The following ARID1B variants were observed in gnomAD, a reference collection of about 807,000 sequenced individuals.
ARID1B encodes the protein AT-rich interactive domain-containing protein 1B.
ARID1B carries 30 observed loss-of-function variants against 212.3 expected under a neutral mutation model. That is an observed-to-expected ratio of 0.14 (90% confidence interval 0.11 to 0.19). The LOEUF (loss-of-function observed/expected upper bound fraction) is 0.19, where lower values mean the gene tolerates loss of function less well. Among genes scored for constraint, ARID1B ranks in the 10% least tolerant of loss-of-function variants. The probability of loss-of-function intolerance (pLI) is 1.00; values close to 1 mark genes in which losing one functional copy is unlikely to be tolerated. For synonymous variants in ARID1B, 1,402 were observed against 1,301.7 expected (o/e 1.08, Z -1.66); for missense variants, 2,891 against 3,204.0 (o/e 0.90, Z 2.36).
chr6:157,182,609 G>A (rs1037687671), intron 12 of ARID1B, among the ~76,000 whole-genome samples: 2 of 152,030 alleles, frequency 1.3e-5, no homozygotes, highest in African/African-American at 2.4e-5. Context: ...GCTGCGTCTC[G>A]GGGGAGAAAG....
chr6:157,197,618 G>A (rs900016469), intron 16 of ARID1B, among the ~76,000 whole-genome samples: 3 of 152,110 alleles, frequency 2.0e-5, no homozygotes, highest in Non-Finnish European at 4.4e-5. Context: ...TGATATATTC[G>A]TTAATCAGTT....
At chr6:157,051,594 T>C (rs573430207) in intron 4 of ARID1B, among the ~76,000 whole-genome samples, 75 of 152,236 alleles carry the variant, frequency 4.9e-4, no homozygotes, top group Non-Finnish European at 9.7e-4. Context: ...TTCTGAATTT[T>C]ATAGTTTGTA....
chr6:156,809,430 A>G (rs1391201702), intron 1 of ARID1B, among the ~76,000 whole-genome samples: 1 of 152,196 alleles, frequency 6.6e-6, no homozygotes, highest in Admixed American at 6.5e-5. Flanking sequence ...TGAGATCTTG[A>G]TGAAACATAA....
At chr6:156,986,387 T>A (rs1194024083) in intron 4 of ARID1B, among the ~76,000 whole-genome samples, 1 of 152,242 alleles carries the variant, frequency 6.6e-6, no homozygotes, top group East Asian at 1.9e-4. Flanking sequence ...AAAAGCTTTT[T>A]AAGTCTCCAA....
chr6:156,778,598 C>G lies in ARID1B; in HGVS notation c.918C>G (p.Gly306=). 1.5e-6 allele frequency: 2 copies of G among 1,296,502 alleles called. No homozygotes were observed. 80.3% of individuals were successfully genotyped at this position (1,296,502 alleles called of 1,614,324 possible). A position where few individuals can be genotyped will look rare whatever the true frequency, so the allele number is the denominator to read the frequency against. ...TCGCCGTGCCCGGGGGCGGCGGCGG[C>G]CCGGCGGCCGTCCCGGAGTTTAATA... ...PPVAVPGGGG[G]PAAVPEFNNY... Residue 306 remains glycine (G), a synonymous_variant, in exon 1 of 20, where the codon GGC becomes GGG. Transcript: ENST00000636930.
At chr6:156,941,989 A>C (rs1279563961) in intron 4 of ARID1B, 1 of 152,214 alleles carries the variant, frequency 6.6e-6, no homozygotes, top group Non-Finnish European at 1.5e-5. Flanking sequence ...TAATTTTAAG[A>C]ATTTGTTTAA....
In ARID1B at chr6:156,778,195, ATGC is replaced by A. The variant is rs1778793743; in HGVS notation, c.516_518del (p.Ala173del). 1.3e-6 allele frequency: 2 copies of A among 1,538,678 alleles called. No homozygotes were observed. Among genetic ancestry groups the A allele is most frequent in the African/African-American group, 2.8e-5 (2 of 72,412 alleles). On this transcript the variant is annotated inframe_deletion, in exon 1 of 20. Transcript: ENST00000636930. The stretch of plus-strand genomic sequence containing the variant: ...CACCAGCAGCACCACCACCACCACC[ATGC>A]CCACCACCACCACCACCATGCCCAC...
chr6:156,839,705 C>T (rs1783760524), intron 2 of ARID1B, among the ~76,000 whole-genome samples: 1 of 152,144 alleles, frequency 6.6e-6, no homozygotes, highest in South Asian at 2.1e-4. Context: ...AGCACACTTC[C>T]AGGAATGGCG....
Position 156,778,909 on chromosome 6 carries a change from G to GAGC in ARID1B, c.1231_1232insCAG (p.Gly410_Gly411insAla). On this transcript the variant is annotated inframe_insertion, in exon 1 of 20. Coordinates refer to ENST00000636930, the MANE Select transcript of ARID1B (RefSeq NM_001374828.1). ...GGCAGCGGAGGAGGAGGAGGAGGAG[G>GAGC]AGGAGCAGGAGCAGGAGGAGCAGGA... is the stretch of plus-strand genomic sequence containing the variant. 10 of 1,352,966 alleles carry GAGC rather than the reference G, an allele frequency of 7.4e-6. No individual in the cohort carries two copies. The highest frequency in any genetic ancestry group is 9.5e-6 in the Non-Finnish European group (10 of 1,057,034). The allele number at this position is 1,352,966 out of a possible 1,614,324, so 83.8% of individuals were successfully genotyped here. A position where few individuals can be genotyped will look rare whatever the true frequency, so the allele number is the denominator to read the frequency against.
chr6:157,206,377 G>A lies in ARID1B; in HGVS notation c.5605G>A (p.Glu1869Lys), dbSNP rs1554237163. ...ECIDDDEEDE[E>K]DEEEDSEKTE... Reference sequence around the variant, plus strand: ...TATTGATGACGACGAGGAAGACGAGGAGGATGAGGAGGAAGACAGCGAGAA... The same window carrying A: ...TATTGATGACGACGAGGAAGACGAGAAGGATGAGGAGGAAGACAGCGAGAA... The change falls in exon 20 of 20, where the codon GAG becomes AAG. Residue 1869 changes from glutamate (E) to lysine (K), a missense_variant. Physicochemically the swap from Glu to Lys is moderately conservative, Grantham distance 56. Transcript: ENST00000636930. This position sits in a 1 kb window ranked among gnomAD's most constrained non-coding sequence, Gnocchi z 6.8. 6.2e-7 allele frequency: 1 copy of A among 1,614,188 alleles called. No individual in the cohort carries two copies. The highest frequency in any genetic ancestry group is 8.5e-7 in the Non-Finnish European group (1 of 1,180,038).
chr6:156,807,769 G>T (rs148646561), intron 1 of ARID1B, among the ~76,000 whole-genome samples: 1 of 152,318 alleles, frequency 6.6e-6, no homozygotes, highest in African/African-American at 2.4e-5. Flanking sequence ...TGGGTAATTT[G>T]TTGTGTGAGC....
chr6:157,206,764 G>A lies in ARID1B; in HGVS notation c.5992G>A (p.Ala1998Thr), dbSNP rs1794486519. Reference protein sequence around the residue: ...SEEQQEKSIIATIDDVLSARP... With the variant: ...SEEQQEKSIITTIDDVLSARP... ...AGAGCAGCAAGAGAAAAGCATCATA[G>A]CAACCATCGATGACGTCCTCTCTGC... Residue 1998 changes from alanine (A) to threonine (T), a missense_variant, in exon 20 of 20, where the codon GCA (alanine) becomes ACA (threonine). By Grantham distance (58) the Ala-to-Thr change is moderately conservative. Around this residue, in one of 7 missense-constraint regions of ARID1B, gnomAD observed 332 missense variants for 369.2 expected, o/e 0.90. Coordinates refer to ENST00000636930, the MANE Select transcript of ARID1B (RefSeq NM_001374828.1). This position sits in a 1 kb window ranked among gnomAD's most constrained non-coding sequence, Gnocchi z 6.8. 1.2e-6 allele frequency: 2 copies of A among 1,613,448 alleles called. No individual in the cohort carries two copies. Among genetic ancestry groups the A allele is most frequent in the South Asian group, 1.1e-5 (1 of 91,088 alleles).
intron 2 of ARID1B, among the ~76,000 whole-genome samples, chr6:156,866,065 G>A (rs1271502677): frequency 6.6e-6 from 1 of 152,106 alleles, no homozygotes; most frequent in African/African-American, 2.4e-5. Context: ...GGGGACCTTG[G>A]TGGGCTCCTT....
intron 1 of ARID1B, among the ~76,000 whole-genome samples, chr6:156,811,181 A>G (rs896495060): frequency 6.6e-6 from 1 of 152,174 alleles, no homozygotes; most frequent in African/African-American, 2.4e-5. Context: ...AGATTATGTC[A>G]AGCCCATCCA....
chr6:157,207,310 G>T lies in ARID1B; in HGVS notation c.6538G>T (p.Val2180Leu), dbSNP rs771748834. ...TTTGGATGGCTTGCTGCACTGGATG[G>T]TGTGCCCGTCTGCAGAGGCACAAGA... The part of the protein sequence containing the change: ...PILDGLLHWM[V>L]CPSAEAQDPF... Residue 2180 changes from valine (V) to leucine (L), a missense_variant, in exon 20 of 20, where the codon GTG (valine) becomes TTG (leucine). Physicochemically the swap from Val to Leu is conservative, Grantham distance 32. Around this residue, in one of 7 missense-constraint regions of ARID1B, gnomAD observed 187 missense variants for 306.5 expected, o/e 0.61. Transcript: ENST00000636930. The surrounding 1 kb of genome is among the most constrained non-coding windows in gnomAD (Gnocchi z 8.5). The T allele has an allele frequency of 6.2e-7, 1 of 1,614,002 alleles. No homozygotes were observed. Among genetic ancestry groups the T allele is most frequent in the Non-Finnish European group, 8.5e-7 (1 of 1,179,882 alleles).
intron 1 of ARID1B, among the ~76,000 whole-genome samples, chr6:156,807,847 G>A (rs1781284433): frequency 6.6e-6 from 1 of 152,078 alleles, no homozygotes; most frequent in African/African-American, 2.4e-5. Flanking sequence ...TTTTTTTGCT[G>A]TGGACTGTGG....
chr6:157,077,164 G>A (rs796330857), intron 4 of ARID1B, among the ~76,000 whole-genome samples: 1 of 152,086 alleles, frequency 6.6e-6, no homozygotes, highest in Non-Finnish European at 1.5e-5. Context: ...AGGCAATTTT[G>A]TTGTCATTGT....
At chr6:156,823,320 A>G (rs1184402279) in intron 1 of ARID1B, among the ~76,000 whole-genome samples, 1 of 152,128 alleles carries the variant, frequency 6.6e-6, no homozygotes, top group African/African-American at 2.4e-5. Flanking sequence ...GTTCATAATA[A>G]TTGCAAGGTG....
intron 4 of ARID1B, among the ~76,000 whole-genome samples, chr6:157,075,642 C>A (rs192321153): frequency 3.8e-4 from 58 of 152,326 alleles, no homozygotes; most frequent in African/African-American, 1.0e-3. Flanking sequence ...CCACCTTAAC[C>A]AAGTGATCAA....
Sources: gnomAD v4.1 joint callset for allele counts (sites outside exome capture counted in the v4.1 genomes callset) on GRCh38, gnomAD v4.1.1 for gene constraint, gnomAD v4.1.1 regional missense constraint, Gnocchi (gnomAD v3.1) non-coding constraint, MANE v1.5 for transcripts, NCBI Gene and HGNC (gene_info 2026-07-23, HGNC 2026-07-21) for gene names.